Variants in SHISA9 observed in about 807,000 individuals in gnomAD.
SHISA9 encodes shisa family member 9.
In SHISA9, 13 loss-of-function variants were observed where a neutral mutation model predicts 38.0. That is an observed-to-expected ratio of 0.34 (90% CI 0.22 to 0.54). SHISA9 has a LOEUF of 0.54. Ranked by LOEUF, SHISA9 falls within the 20% of genes least tolerant of loss-of-function variation. The pLI is 0.91. For synonymous variants in SHISA9, 275 were observed against 242.0 expected (o/e 1.14, Z -1.27); for missense variants, 538 against 575.8 (o/e 0.93, Z 0.67).
At chr16:13,545,243 T>C in the SHISA9 span, among the ~76,000 whole-genome samples, 4 of 152,218 alleles carry the variant, frequency 2.6e-5, no homozygotes. Context: ...TAGAATTCTA[T>C]TCAAGGTCTT....
intron 2 of SHISA9, among the ~76,000 whole-genome samples, chr16:13,045,787 C>G (rs1053776968): frequency 2.6e-5 from 4 of 152,066 alleles, no homozygotes; most frequent in Non-Finnish European, 5.9e-5. Flanking sequence ...GGAGTCTGCA[C>G]TGTGCCTAGG....
intron 2 of SHISA9, among the ~76,000 whole-genome samples, chr16:13,073,724 A>T (rs760465780): frequency 7.2e-5 from 11 of 152,192 alleles, no homozygotes; most frequent in Non-Finnish European, 1.5e-4. Context: ...TCCTCAAACC[A>T]ATGACAAGTG....
intron 4 of SHISA9, among the ~76,000 whole-genome samples, chr16:13,224,735 G>T (rs2051262400): frequency 6.6e-6 from 1 of 152,150 alleles, no homozygotes; most frequent in African/African-American, 2.4e-5. Flanking sequence ...TTAAAATAGG[G>T]ATAGGTCATC....
intron 2 of SHISA9, among the ~76,000 whole-genome samples, chr16:13,069,051 A>G (rs1396281443): frequency 1.3e-5 from 2 of 151,362 alleles, no homozygotes; most frequent in Non-Finnish European, 2.9e-5. Context: ...TGTACATGCA[A>G]TGTGTATATG....
At chr16:13,170,202 C>CAAAA (rs71147788) in intron 2 of SHISA9, among the ~76,000 whole-genome samples, 8 of 91,950 alleles carry the variant, frequency 8.7e-5, no homozygotes, top group South Asian at 3.8e-4. Context: ...GACTCCATCT[C>CAAAA]AAAAAAAAAA....
chr16:12,908,185 A>C (rs1263648178), intron 1 of SHISA9, among the ~76,000 whole-genome samples: 1 of 152,170 alleles, frequency 6.6e-6, no homozygotes, highest in Non-Finnish European at 1.5e-5. Flanking sequence ...CCTCTTGTCT[A>C]CTGAAGAGAA....
At chr16:12,946,647 A>T (rs2071691733) in intron 2 of SHISA9, among the ~76,000 whole-genome samples, 2 of 152,242 alleles carry the variant, frequency 1.3e-5, no homozygotes, top group African/African-American at 4.8e-5. Context: ...CTTTTGTGTC[A>T]GTCAGTCCCC....
the SHISA9 span, among the ~76,000 whole-genome samples, chr16:13,376,675 A>G: frequency 6.6e-6 from 1 of 152,110 alleles, no homozygotes; most frequent in Admixed American, 6.5e-5. Context: ...CTTATTCTGT[A>G]AATTATAGGG....
intron 2 of SHISA9, among the ~76,000 whole-genome samples, chr16:13,022,065 G>T (rs192550793): frequency 6.6e-6 from 1 of 152,246 alleles, no homozygotes; most frequent in African/African-American, 2.4e-5. Context: ...GCTTTCCTGG[G>T]CTTGTGGGTG....
rs557818018 is a variant in SHISA9, at chr16:13,179,628, T to G, written c.692-23766T>G. Among the ~76,000 whole-genome samples the G allele has an allele frequency of 9.8e-5, 15 of 152,308 alleles. No homozygotes were observed. The South Asian group carries it at 2.1e-3, about 21-fold the overall frequency. On this transcript the variant is annotated intron_variant, in intron 2 of 4. Coordinates refer to ENST00000558583, the MANE Select transcript of SHISA9 (RefSeq NM_001145204.3). ...AATACTCCTGCCTCCTGGCCTTGGC[T>G]CCAATGATGGTCCCCTGGGAATGAC...
intron 2 of SHISA9, among the ~76,000 whole-genome samples, chr16:13,155,273 G>A (rs2050534255): frequency 1.3e-5 from 2 of 152,032 alleles, no homozygotes; most frequent in African/African-American, 2.4e-5. Flanking sequence ...GATGTGGAGT[G>A]GAATACTTGG....
At chr16:13,213,666 C>G (rs954096563) in intron 4 of SHISA9, among the ~76,000 whole-genome samples, 5 of 152,170 alleles carry the variant, frequency 3.3e-5, no homozygotes, top group Non-Finnish European at 5.9e-5. Flanking sequence ...GGGAAGAACA[C>G]AGCTTCTGAG....
At chr16:13,393,737 G>C in the SHISA9 span, among the ~76,000 whole-genome samples, 2 of 152,190 alleles carry the variant, frequency 1.3e-5, no homozygotes, top group African/African-American at 4.8e-5. Context: ...GAGTAACTGA[G>C]AGTCTGGAGG....
the SHISA9 span, among the ~76,000 whole-genome samples, chr16:13,510,768 G>T: frequency 6.6e-6 from 1 of 150,780 alleles, no homozygotes; most frequent in African/African-American, 2.4e-5. Flanking sequence ...GTAGTTTATT[G>T]TTGATAAATG....
At chr16:13,463,540 A>G in the SHISA9 span, among the ~76,000 whole-genome samples, 139,565 of 152,278 alleles carry the variant, frequency 0.92, 63,991 homozygotes, top group East Asian at 0.98. Flanking sequence ...TGAGAGTGAT[A>G]ATCTTGATCT....
chr16:13,198,163 C>T (rs951409453), intron 2 of SHISA9, among the ~76,000 whole-genome samples: 4 of 151,446 alleles, frequency 2.6e-5, no homozygotes, highest in Non-Finnish European at 5.9e-5. Flanking sequence ...CCAGTCTGGG[C>T]GACAGAGTGA....
chr16:13,382,816 C>G, the SHISA9 span, among the ~76,000 whole-genome samples: 1 of 152,164 alleles, frequency 6.6e-6, no homozygotes, highest in Non-Finnish European at 1.5e-5. Context: ...CGAGATCATG[C>G]CACTGCACTC....
intron 2 of SHISA9, among the ~76,000 whole-genome samples, chr16:12,975,300 C>A (rs376311296): frequency 6.6e-6 from 1 of 151,902 alleles, no homozygotes; most frequent in African/African-American, 2.4e-5. Context: ...GTCAGGAGTT[C>A]GAGACCATCC....
At chr16:13,448,036 A>C in the SHISA9 span, among the ~76,000 whole-genome samples, 1 of 152,240 alleles carries the variant, frequency 6.6e-6, no homozygotes, top group Non-Finnish European at 1.5e-5. Context: ...GTCTATCGTT[A>C]GTCACAGAAG....
Sources: allele counts gnomAD v4.1 joint callset (sites outside exome capture counted in the v4.1 genomes callset), GRCh38; gene constraint gnomAD v4.1.1; transcripts MANE v1.5; gene names NCBI Gene and HGNC (gene_info 2026-07-23, HGNC 2026-07-21).